Variants in DIXDC1 observed in about 807,000 individuals in gnomAD.
DIXDC1 encodes the protein dixin.
A neutral mutation model predicts 103.1 loss-of-function variants in DIXDC1; 64 were observed. That is an observed-to-expected ratio of 0.62 (90% CI 0.51 to 0.76). DIXDC1 has a LOEUF of 0.76. DIXDC1 is among the 30% of genes least tolerant of loss of function. The pLI is 0.00. For synonymous variants in DIXDC1, 266 were observed against 298.5 expected, an observed-to-expected ratio of 0.89 and a Z score of 1.12; for missense variants, 759 against 834.2, an observed-to-expected ratio of 0.91 and a Z score of 1.11.
At chr11:111,953,548 G>T (rs1490074815) in intron 1 of DIXDC1, among the ~76,000 whole-genome samples, 1 of 152,152 alleles carries the variant, frequency 6.6e-6, no homozygotes, top group Non-Finnish European at 1.5e-5. Context: ...TGAGGCAGGA[G>T]AATTGCTTGA....
intron 1 of DIXDC1, among the ~76,000 whole-genome samples, chr11:111,950,648 G>T (rs1555169893): frequency 3.3e-5 from 5 of 150,968 alleles, no homozygotes; most frequent in African/African-American, 9.7e-5. Flanking sequence ...TAGAGACAGG[G>T]TTTCACCATG....
At chr11:112,014,104 AG>A (rs1861513328) in intron 17 of DIXDC1, among the ~76,000 whole-genome samples, 1 of 152,166 alleles carries the variant, frequency 6.6e-6, no homozygotes, top group Non-Finnish European at 1.5e-5. Context: ...ACTTCCCATT[AG>A]GCCCCACCTC....
At position 111,977,113 on chromosome 11, in the gene DIXDC1, T is replaced by G. The variant is rs1860124788; in HGVS notation, c.656+2130T>G. 3.7e-6 allele frequency: 1 copy of G among 270,430 alleles called. No individual in the cohort carries two copies. Among genetic ancestry groups the G allele is most frequent in the Non-Finnish European group, 5.7e-6 (1 of 176,134 alleles). 16.8% of individuals were successfully genotyped at this position (270,430 alleles called of 1,614,324 possible). On this transcript the variant is annotated intron_variant, in intron 5 of 19. Transcript: ENST00000440460. The surrounding 1 kb of genome is among the most constrained non-coding windows in gnomAD (Gnocchi z 6.1). ...CCTGCCTATCCTGAGGCTCCCAATC[T>G]CCTCTCCTCGCATCCCCCAACCCCT...
chr11:111,965,123 G>A (rs1271860256), intron 2 of DIXDC1, among the ~76,000 whole-genome samples: 1 of 152,116 alleles, frequency 6.6e-6, no homozygotes, highest in Non-Finnish European at 1.5e-5. Flanking sequence ...AGAGAAGGAA[G>A]TAGTAGTCAG....
chr11:112,014,714 A>C (rs1446965241), intron 17 of DIXDC1, among the ~76,000 whole-genome samples: 1 of 152,152 alleles, frequency 6.6e-6, no homozygotes. Flanking sequence ...TATATTCTCA[A>C]ATCGAACACA....
At chr11:111,983,137 G>A (rs1210526602) in intron 7 of DIXDC1, among the ~76,000 whole-genome samples, 2 of 152,170 alleles carry the variant, frequency 1.3e-5, no homozygotes, top group Non-Finnish European at 2.9e-5. Flanking sequence ...CTGTTTGGGG[G>A]AGCGCTTATA....
At chr11:111,950,360 T>C (rs1229910508) in intron 1 of DIXDC1, among the ~76,000 whole-genome samples, 2 of 144,258 alleles carry the variant, frequency 1.4e-5, no homozygotes, top group Non-Finnish European at 3.0e-5. Flanking sequence ...TTAGATTGAA[T>C]AGCAATATTT....
chr11:112,009,781 A>C (rs1369574645), intron 17 of DIXDC1, among the ~76,000 whole-genome samples: 1 of 152,214 alleles, frequency 6.6e-6, no homozygotes, highest in Non-Finnish European at 1.5e-5. Flanking sequence ...AAAATCTCTC[A>C]ATAAACTGGG....
chr11:111,969,521 C>T (rs1195309596), intron 3 of DIXDC1, among the ~76,000 whole-genome samples: 1 of 152,134 alleles, frequency 6.6e-6, no homozygotes, highest in African/African-American at 2.4e-5. Context: ...CTGCCCTCTT[C>T]TGTAGTGGCT....
At position 111,995,107 on chromosome 11, in the gene DIXDC1, G is replaced by T. The variant is rs375339200; in HGVS notation, c.1526G>T (p.Gly509Val). The T allele has an allele frequency of 2.6e-5, 42 of 1,613,276 alleles. No individual in the cohort carries two copies. The highest frequency in any genetic ancestry group is 6.8e-6 in the Non-Finnish European group (8 of 1,179,850). ...GGAGCTACTTCAGTCAGCAACAGAG[G>T]GGTACGTACCTGGAGTTTTGATGGA... The part of the protein sequence containing the change: ...GKGATSVSNR[G>V]TSDLQLVRDA... Residue 509 changes from glycine to valine, a missense_variant and splice_region_variant, in exon 15 of 20, where the codon GGG becomes GTG. By Grantham distance (109) the Gly-to-Val change is moderately radical. Around this residue, in one of 3 missense-constraint regions of DIXDC1, gnomAD observed 657 missense variants for 727.5 expected, o/e 0.90. Transcript: ENST00000440460.
chr11:111,931,460 T>C (rs1966014092), intron 2 of DIXDC1, among the ~76,000 whole-genome samples: 2 of 151,978 alleles, frequency 1.3e-5, no homozygotes, highest in African/African-American at 2.4e-5. Context: ...CTGGCCAACA[T>C]AGTGAAACCC....
At chr11:111,973,988 G>C (rs200729004) in intron 3 of DIXDC1, 35 bp from the exon 4 acceptor site, 107 of 1,604,576 alleles carry the variant, frequency 6.7e-5, no homozygotes, top group Non-Finnish European at 8.7e-5. Flanking sequence ...AGGACCTCTT[G>C]GTCTGTTTTA....
chr11:111,947,737 C>T (rs782210764), intron 1 of DIXDC1, among the ~76,000 whole-genome samples: 26 of 152,310 alleles, frequency 1.7e-4, no homozygotes, highest in Middle Eastern at 3.4e-3. Flanking sequence ...AAGCTCTGAT[C>T]GCTGTTAGAT....
At chr11:111,947,948 T>G (rs1966652286) in intron 1 of DIXDC1, among the ~76,000 whole-genome samples, 1 of 151,968 alleles carries the variant, frequency 6.6e-6, no homozygotes, top group Non-Finnish European at 1.5e-5. Flanking sequence ...AGGCCAGGAG[T>G]TCGAGACTAG....
At chr11:112,013,895 C>T (rs188842655) in intron 17 of DIXDC1, among the ~76,000 whole-genome samples, 16 of 152,204 alleles carry the variant, frequency 1.1e-4, no homozygotes, top group South Asian at 2.1e-4. Context: ...AAGCCTCAAT[C>T]GGCTTTCACT....
chr11:111,973,014 G>A lies in DIXDC1; in HGVS notation c.317-1009G>A, dbSNP rs139724940. On this transcript the variant is annotated intron_variant, in intron 3 of 19. Transcript: ENST00000440460. ...GCAGAGGTTGCAGTGAGCCAAGATC[G>A]TGCCATTGCATTCCAGCCTGGGGGA... 6.4e-3 allele frequency among the ~76,000 whole-genome samples: 874 copies of A among 137,492 alleles called. 5 individuals carry two copies. Among genetic ancestry groups the A allele is most frequent in the South Asian group, 0.015 (62 of 4,110 alleles). 90.2% of individuals were successfully genotyped at this position (137,492 alleles called of 152,430 possible). A position where few individuals can be genotyped will look rare whatever the true frequency, so the allele number is the denominator to read the frequency against.
At chr11:112,009,468 A>T (rs1446291596) in intron 17 of DIXDC1, among the ~76,000 whole-genome samples, 8 of 152,222 alleles carry the variant, frequency 5.3e-5, no homozygotes, top group Non-Finnish European at 1.0e-4. Context: ...TGAGGCCAAC[A>T]TCATCCTGAT....
At chr11:111,954,846 G>T (rs1319725124) in intron 1 of DIXDC1, among the ~76,000 whole-genome samples, 1 of 152,064 alleles carries the variant, frequency 6.6e-6, no homozygotes, top group Admixed American at 6.6e-5. Flanking sequence ...GAACTCTGTG[G>T]TGTTGGGTTG....
At chr11:112,014,145 G>T (rs1162634336) in intron 17 of DIXDC1, among the ~76,000 whole-genome samples, 1 of 152,152 alleles carries the variant, frequency 6.6e-6, no homozygotes. Flanking sequence ...TCAACATGAG[G>T]TGTTGGGGGA....
Sources: gnomAD v4.1 joint callset for allele counts (sites outside exome capture counted in the v4.1 genomes callset) on GRCh38, gnomAD v4.1.1 for gene constraint, gnomAD v4.1.1 regional missense constraint, Gnocchi (gnomAD v3.1) non-coding constraint, MANE v1.5 for transcripts, NCBI Gene and HGNC (gene_info 2026-07-23, HGNC 2026-07-21) for gene names.